DLGAP2: variants seen among roughly 807,000 people sequenced by gnomAD.
The protein encoded by DLGAP2 is disks large-associated protein 2.
A neutral mutation model predicts 100.3 loss-of-function variants in DLGAP2; 26 were observed. The observed-to-expected ratio is 0.26, with a 90% CI of 0.19 to 0.36. The LOEUF is 0.36. Ranked by LOEUF, DLGAP2 falls within the 10% of genes least tolerant of loss-of-function variation. DLGAP2 has a pLI of 1.00. For synonymous variants in DLGAP2, 886 were observed against 630.1 expected (o/e 1.41, Z -6.08); for missense variants, 1,858 against 1,453.2 (o/e 1.28, Z -4.53).
chr8:888,025 G>C (rs532639121), intron 1 of DLGAP2, among the ~76,000 whole-genome samples: 1 of 152,066 alleles, frequency 6.6e-6, no homozygotes, highest in Non-Finnish European at 1.5e-5. Flanking sequence ...TCAATCGTAG[G>C]TTTAATCTTT....
At chr8:949,540 G>C (rs1221151209) in intron 2 of DLGAP2, among the ~76,000 whole-genome samples, 1 of 152,192 alleles carries the variant, frequency 6.6e-6, no homozygotes, top group Non-Finnish European at 1.5e-5. Context: ...AGTCGGGCCA[G>C]TGCCTGCCGG....
At chr8:1,502,156 A>T (rs1799743989) in intron 4 of DLGAP2, among the ~76,000 whole-genome samples, 1 of 152,052 alleles carries the variant, frequency 6.6e-6, no homozygotes, top group Non-Finnish European at 1.5e-5. Flanking sequence ...TTATTCTCTA[A>T]CCTAAAAGAG....
intron 3 of DLGAP2, among the ~76,000 whole-genome samples, chr8:1,436,731 A>G (rs1253849559): frequency 3.3e-5 from 5 of 151,758 alleles, no homozygotes; most frequent in Non-Finnish European, 7.4e-5. Flanking sequence ...TCACCCATTC[A>G]CTCACCCACT....
chr8:1,192,504 C>T (rs892515469), intron 2 of DLGAP2, among the ~76,000 whole-genome samples: 6 of 151,936 alleles, frequency 3.9e-5, no homozygotes, highest in African/African-American at 1.5e-4. Context: ...GCTCTTAAAC[C>T]TGCTCCTCCG....
chr8:762,139 C>T (rs73181006), intron 1 of DLGAP2, among the ~76,000 whole-genome samples: 588 of 152,230 alleles, frequency 3.9e-3, no homozygotes, highest in African/African-American at 5.6e-3. Flanking sequence ...CTCATGCTCA[C>T]GTCTAGAAAA....
chr8:1,324,770 T>G (rs1800982660), intron 3 of DLGAP2, among the ~76,000 whole-genome samples: 1 of 152,226 alleles, frequency 6.6e-6, no homozygotes, highest in African/African-American at 2.4e-5. Context: ...GTTCCTGTCT[T>G]TCTTCCTAAA....
intron 5 of DLGAP2, among the ~76,000 whole-genome samples, chr8:1,555,137 G>A (rs1037461932): frequency 3.9e-5 from 6 of 152,034 alleles, no homozygotes; most frequent in East Asian, 3.9e-4. Flanking sequence ...TTCCAATCCC[G>A]TAGTGGAATA....
In DLGAP2 at chr8:1,685,615, A is replaced by T. The variant is rs1330425018; in HGVS notation, c.2705-5920A>T. 3.3e-5 allele frequency among the ~76,000 whole-genome samples: 5 copies of T among 152,184 alleles called. No homozygotes were observed. In the East Asian group the frequency reaches 9.6e-4, roughly 29 times the overall value. On this transcript the variant is annotated intron_variant, in intron 12 of 14. Coordinates refer to ENST00000637795, the MANE Select transcript of DLGAP2 (RefSeq NM_001346810.2). ...CAATAAAAAGACATGGATGCTTGTCAGCACAGGAAAAGGAAACAGCAGAGT... is the reference window on the plus strand; with the variant it reads ...CAATAAAAAGACATGGATGCTTGTCTGCACAGGAAAAGGAAACAGCAGAGT...
At chr8:833,383 C>T (rs969096151) in intron 1 of DLGAP2, among the ~76,000 whole-genome samples, 27 of 152,124 alleles carry the variant, frequency 1.8e-4, no homozygotes, top group Non-Finnish European at 3.2e-4. Context: ...GGCTAAAATC[C>T]GGGTGTCAGC....
At chr8:1,227,794 C>T (rs1343202316) in intron 2 of DLGAP2, among the ~76,000 whole-genome samples, 3 of 151,952 alleles carry the variant, frequency 2.0e-5, no homozygotes, top group African/African-American at 7.3e-5. Context: ...TACAAAGGAG[C>T]AGATAAGATG....
intron 8 of DLGAP2, among the ~76,000 whole-genome samples, chr8:1,641,014 C>G (rs1346166245): frequency 6.6e-6 from 1 of 152,102 alleles, no homozygotes; most frequent in Non-Finnish European, 1.5e-5. Context: ...AGGAGGGAGA[C>G]CCAAGCTCTC....
intron 3 of DLGAP2, among the ~76,000 whole-genome samples, chr8:1,309,421 C>G (rs922639513): frequency 3.9e-5 from 6 of 152,006 alleles, no homozygotes; most frequent in African/African-American, 1.2e-4. Context: ...CTTGATTTCT[C>G]TAGAAACCAT....
At chr8:1,428,181 T>A (rs1258347843) in intron 3 of DLGAP2, among the ~76,000 whole-genome samples, 1 of 151,904 alleles carries the variant, frequency 6.6e-6, no homozygotes, top group African/African-American at 2.4e-5. Flanking sequence ...TAGTTAAAAA[T>A]AGACAATCTC....
At chr8:1,254,683 A>G (rs78085923) in intron 2 of DLGAP2, among the ~76,000 whole-genome samples, 17,921 of 152,160 alleles carry the variant, frequency 0.12, 2,428 homozygotes, top group African/African-American at 0.33. Flanking sequence ...TGTCTTTCCC[A>G]GGAACCTCCT....
chr8:1,616,325 G>T (rs1244803237), intron 6 of DLGAP2, among the ~76,000 whole-genome samples: 1 of 152,154 alleles, frequency 6.6e-6, no homozygotes, highest in African/African-American at 2.4e-5. Context: ...GAATTTGGCA[G>T]AAGGTTTTGA....
At chr8:1,456,159 C>T (rs555500751) in intron 3 of DLGAP2, among the ~76,000 whole-genome samples, 3 of 152,292 alleles carry the variant, frequency 2.0e-5, no homozygotes, top group African/African-American at 7.2e-5. Flanking sequence ...GTTTTTGAGC[C>T]ACCTCTTTCC....
At chr8:1,585,462 A>G (rs1796087896) in intron 6 of DLGAP2, among the ~76,000 whole-genome samples, 1 of 152,216 alleles carries the variant, frequency 6.6e-6, no homozygotes, top group Non-Finnish European at 1.5e-5. Flanking sequence ...AAAAAGAAAA[A>G]AAAATACTCC....
chr8:1,594,701 G>C (rs1796395599), intron 6 of DLGAP2, among the ~76,000 whole-genome samples: 1 of 152,162 alleles, frequency 6.6e-6, no homozygotes, highest in Non-Finnish European at 1.5e-5. Flanking sequence ...TGGGATTACA[G>C]TTGTGAGCCA....
intron 3 of DLGAP2, among the ~76,000 whole-genome samples, chr8:1,408,441 A>G (rs1469960445): frequency 2.0e-5 from 3 of 152,106 alleles, no homozygotes; most frequent in East Asian, 3.9e-4. Context: ...CGTAATCTCC[A>G]CGAGCATCTG....
Sources: gnomAD v4.1 joint callset for allele counts (sites outside exome capture counted in the v4.1 genomes callset) on GRCh38, gnomAD v4.1.1 for gene constraint, MANE v1.5 for transcripts, NCBI Gene and HGNC (gene_info 2026-07-23, HGNC 2026-07-21) for gene names.